Variants in PASD1 observed in about 807,000 individuals in gnomAD.
PASD1 encodes PAS domain containing repressor 1.
A neutral mutation model predicts 58.8 loss-of-function variants in PASD1; 13 were observed. That is an observed-to-expected ratio of 0.22 (90% CI 0.14 to 0.35). The LOEUF (loss-of-function observed/expected upper bound fraction) is 0.35. Among genes scored for constraint, PASD1 ranks in the 10% least tolerant of loss-of-function variants. The probability of loss-of-function intolerance (pLI) is 1.00; values close to 1 mark genes in which losing one functional copy is unlikely to be tolerated. For synonymous variants in PASD1, 236 were observed against 216.7 expected (o/e 1.09, Z -0.78); for missense variants, 734 against 568.3 (o/e 1.29, Z -2.96).
intron 8 of PASD1, among the ~76,000 whole-genome samples, chrX:151,625,790 A>C (rs1457444190): frequency 9.1e-6 from 1 of 110,453 alleles, no homozygotes; most frequent in East Asian, 2.8e-4. Context: ...CAAAAAATAC[A>C]AAAAAAATTA....
intron 3 of PASD1, among the ~76,000 whole-genome samples, chrX:151,606,932 T>C (rs1385457661): frequency 9.0e-6 from 1 of 111,640 alleles, no homozygotes; most frequent in African/African-American, 3.3e-5. Context: ...CACCCAGTTT[T>C]AAAAGTTTTT....
chrX:151,630,356 C>T (rs1211946099), intron 8 of PASD1, among the ~76,000 whole-genome samples: 1 of 111,780 alleles, frequency 8.9e-6, no homozygotes, highest in Non-Finnish European at 1.9e-5. Flanking sequence ...GAGCACAGAA[C>T]CTGACAATGA....
At chrX:151,611,823 C>CT (rs1423737598) in intron 4 of PASD1, 70 bp downstream of exon 4, 7 of 810,136 alleles carry the variant, frequency 8.6e-6, no homozygotes, top group Non-Finnish European at 1.1e-5. Flanking sequence ...TATTTATTTT[C>CT]TTTTTTTATT....
intron 8 of PASD1, among the ~76,000 whole-genome samples, chrX:151,646,958 A>C (rs1285249959): frequency 1.8e-5 from 2 of 112,577 alleles, no homozygotes; most frequent in African/African-American, 6.5e-5. Context: ...ATAAGGCAGA[A>C]GAGAGTTGAG....
At chrX:151,597,085 T>A (rs965016984) in intron 1 of PASD1, among the ~76,000 whole-genome samples, 3 of 112,266 alleles carry the variant, frequency 2.7e-5, no homozygotes, top group Non-Finnish European at 5.6e-5. Context: ...AACTTTTTCA[T>A]ATGGATCATA....
At chrX:151,622,319 C>T (rs1196741187) in intron 6 of PASD1, among the ~76,000 whole-genome samples, 1 of 109,973 alleles carries the variant, frequency 9.1e-6, no homozygotes, top group Non-Finnish European at 1.9e-5. Flanking sequence ...GCCCAAATAG[C>T]TAACAAATAT....
intron 1 of PASD1, among the ~76,000 whole-genome samples, chrX:151,567,650 G>A (rs1011487467): frequency 8.9e-6 from 1 of 111,784 alleles, no homozygotes; most frequent in African/African-American, 3.3e-5. Flanking sequence ...GCTTCCACTA[G>A]ATTTTCAAGG....
At chrX:151,597,657 T>C (rs1012961745) in intron 1 of PASD1, among the ~76,000 whole-genome samples, 2 of 112,195 alleles carry the variant, frequency 1.8e-5, no homozygotes, top group African/African-American at 6.5e-5. Context: ...TTTCTGGTCC[T>C]ATCTATTATT....
intron 8 of PASD1, among the ~76,000 whole-genome samples, chrX:151,626,989 GA>G (rs2013796893): frequency 9.0e-6 from 1 of 111,527 alleles, no homozygotes; most frequent in Non-Finnish European, 1.9e-5. Context: ...ATGAGAAACA[GA>G]ACTCATGGTG....
At chrX:151,638,418 G>A (rs1469307550) in intron 8 of PASD1, among the ~76,000 whole-genome samples, 4 of 106,300 alleles carry the variant, frequency 3.8e-5, no homozygotes, top group African/African-American at 1.4e-4. Flanking sequence ...CATTGTGCTC[G>A]TGTACCCTAG....
At chrX:151,579,110 T>G (rs1315573318) in intron 1 of PASD1, among the ~76,000 whole-genome samples, 1 of 111,920 alleles carries the variant, frequency 8.9e-6, no homozygotes, top group Non-Finnish European at 1.9e-5. Context: ...AGAAATTCTT[T>G]GCATCAAATT....
intron 4 of PASD1, among the ~76,000 whole-genome samples, chrX:151,615,503 C>T (rs998036098): frequency 4.1e-4 from 46 of 112,357 alleles, no homozygotes; most frequent in African/African-American, 1.2e-3. Flanking sequence ...AACGACTACA[C>T]CTGAGGCATA....
chrX:151,603,590 G>C (rs2013447484), intron 2 of PASD1, among the ~76,000 whole-genome samples: 1 of 111,484 alleles, frequency 9.0e-6, no homozygotes, highest in African/African-American at 3.3e-5. Flanking sequence ...TCTTGAGTTT[G>C]AAGAGCTATG....
chrX:151,673,611 T>G, intron 14 of PASD1: 1 of 334,230 alleles, frequency 3.0e-6, no homozygotes, highest in Non-Finnish European at 5.3e-6. Context: ...AGCCATTAGC[T>G]CCCTGAGTGC....
In PASD1 at chrX:151,620,908, T is replaced by A. The variant is rs190484635; in HGVS notation, c.208-22T>A. 180 of 1,147,519 alleles carry A rather than the reference T, an allele frequency of 1.6e-4. 1 individual carries two copies. The highest frequency in any genetic ancestry group is 2.1e-4 in the Non-Finnish European group (176 of 842,730). 94.6% of individuals were successfully genotyped at this position (1,147,519 alleles called of 1,213,427 possible). A position where few individuals can be genotyped will look rare whatever the true frequency, so the allele number is the denominator to read the frequency against. On this transcript the variant is annotated intron_variant, in intron 4 of 15. Transcript: ENST00000370357. The stretch of plus-strand genomic sequence containing the variant: ...TCTTCCCCTCCTTTTTCCCTCCACC[T>A]CCTCCTCTCCTCTCCTGCCAGGCTG...
At chrX:151,582,204 T>G (rs923260107) in intron 1 of PASD1, among the ~76,000 whole-genome samples, 1 of 110,372 alleles carries the variant, frequency 9.1e-6, no homozygotes, top group Non-Finnish European at 1.9e-5. Context: ...GCCGGGGTGG[T>G]CTCTCTCCTG....
rs747665301 is a variant in PASD1 at position 151,671,115 on chromosome X, G to A, written c.1149G>A (p.Gln383=). The A allele has an allele frequency of 2.5e-6, 3 of 1,212,002 alleles. No homozygotes were observed. The South Asian group carries it at 5.3e-5, about 21-fold the overall frequency. ...ELELMKKLKE[Q]LEERTWLLHD... ...AACTGATGAAGAAGTTGAAGGAGCA[G>A]CTAGAAGAGAGGACTTGGTTGCTGC... The change falls in exon 12 of 16, where the codon CAG becomes CAA. Residue 383 remains glutamine (Q), a synonymous_variant. Transcript: ENST00000370357.
rs750373805 is a variant in PASD1, at chrX:151,673,938, G to A, written c.1927G>A (p.Glu643Lys). ...TTTCTTCTCTTACAGTTTTTATCCT[G>A]AGGCGTATCAAGGGCCCCCCGTGAA... ...QEDESQSFYP[E>K]AYQGPPVNQL... The change falls in exon 15 of 16, where the codon GAG (glutamate) becomes AAG (lysine). Residue 643 changes from glutamate to lysine, a missense_variant. Glu to Lys is a moderately conservative substitution (Grantham distance 56). Coordinates refer to ENST00000370357, the MANE Select transcript of PASD1 (RefSeq NM_173493.3). The A allele has an allele frequency of 6.6e-6, 8 of 1,211,261 alleles. No homozygotes were observed. The highest frequency in any genetic ancestry group is 8.9e-6 in the Non-Finnish European group (8 of 895,167).
At chrX:151,589,233 T>G (rs1262330520) in intron 1 of PASD1, among the ~76,000 whole-genome samples, 1 of 111,242 alleles carries the variant, frequency 9.0e-6, no homozygotes, top group Non-Finnish European at 1.9e-5. Flanking sequence ...TACGCGGGCA[T>G]ACATTAGGTG....
Sources: gnomAD v4.1 joint callset for allele counts (sites outside exome capture counted in the v4.1 genomes callset) on GRCh38, gnomAD v4.1.1 for gene constraint, MANE v1.5 for transcripts, NCBI Gene and HGNC (gene_info 2026-07-23, HGNC 2026-07-21) for gene names.